BAZ2B: variants seen among roughly 807,000 people sequenced by gnomAD.
The protein encoded by BAZ2B is bromodomain adjacent to zinc finger domain 2B.
A neutral mutation model predicts 246.0 loss-of-function variants in BAZ2B; 91 were observed. The ratio of observed to expected loss-of-function variants is 0.37; its 90% CI spans 0.31 to 0.44. The LOEUF (loss-of-function observed/expected upper bound fraction) is 0.44, where lower values mean the gene tolerates loss of function less well. BAZ2B is among the 20% of genes least tolerant of loss of function. The pLI is 1.00. For missense variants in BAZ2B, 2,332 were observed against 2,533.7 expected, an observed-to-expected ratio of 0.92 and a Z score of 1.71; for synonymous variants, 855 against 860.0, an observed-to-expected ratio of 0.99 and a Z score of 0.10.
chr2:159,462,121 T>C (rs1376132589), intron 3 of BAZ2B: 4 of 303,824 alleles, frequency 1.3e-5, no homozygotes, highest in African/African-American at 2.2e-5. Flanking sequence ...AAAATGTCTC[T>C]AGGATAGATC....
the BAZ2B span, among the ~76,000 whole-genome samples, chr2:159,633,611 T>C: frequency 2.6e-5 from 4 of 152,296 alleles, no homozygotes; most frequent in South Asian, 8.3e-4. Context: ...TTTAGGGTCA[T>C]GGGGAAATGT....
At chr2:159,521,316 A>T (rs969655715) in intron 2 of BAZ2B, among the ~76,000 whole-genome samples, 1 of 152,130 alleles carries the variant, frequency 6.6e-6, no homozygotes, top group Admixed American at 6.5e-5. Flanking sequence ...TTTTGAACAA[A>T]TTTAACAACA....
the BAZ2B span, among the ~76,000 whole-genome samples, chr2:159,690,570 GATTT>G: frequency 4.6e-5 from 7 of 152,074 alleles, no homozygotes; most frequent in African/African-American, 1.4e-4. Context: ...ACTAGTTACT[GATTT>G]ATTATTTGAG....
chr2:159,447,806 C>T (rs547448175), intron 5 of BAZ2B, among the ~76,000 whole-genome samples: 5 of 152,114 alleles, frequency 3.3e-5, no homozygotes, highest in Non-Finnish European at 7.4e-5. Flanking sequence ...AAAGGTCTAG[C>T]ATAACACTAT....
intron 4 of BAZ2B, among the ~76,000 whole-genome samples, chr2:159,449,680 A>G (rs2074773439): frequency 6.6e-6 from 1 of 152,246 alleles, no homozygotes; most frequent in African/African-American, 2.4e-5. Flanking sequence ...ACACCAATGT[A>G]TATTCAGCCA....
rs142091603 is a variant in BAZ2B at position 159,566,078 on chromosome 2, C to G, written c.-45-10213G>C. ...CCAGGCTGGAGTGCAATGGCTCAAT[C>G]TGGGCTCACAGCAACCTCCGCCTCC... On this transcript the variant is annotated intron_variant, in intron 1 of 36. Coordinates refer to ENST00000392783, the MANE Select transcript of BAZ2B (RefSeq NM_013450.4). 2.4e-3 allele frequency among the ~76,000 whole-genome samples: 372 copies of G among 152,254 alleles called. 2 individuals carry two copies. Among genetic ancestry groups the G allele is most frequent in the African/African-American group, 8.6e-3 (356 of 41,552 alleles).
chr2:159,356,499 T>C (rs2059128869), intron 27 of BAZ2B, among the ~76,000 whole-genome samples: 1 of 152,128 alleles, frequency 6.6e-6, no homozygotes, highest in African/African-American at 2.4e-5. Context: ...GTCAGGGGCT[T>C]ATAGATCAAA....
Position 159,412,377 on chromosome 2 carries a change from C to G in BAZ2B, c.2635G>C (p.Asp879His). The G allele has an allele frequency of 6.2e-7, 1 of 1,614,132 alleles. No individual in the cohort carries two copies. The highest frequency in any genetic ancestry group is 8.5e-7 in the Non-Finnish European group (1 of 1,180,004). The change falls in exon 14 of 37, where the codon GAT becomes CAT. Residue 879 changes from aspartate (D) to histidine (H), a missense_variant. By Grantham distance (81) the Asp-to-His change is moderately conservative (BLOSUM62 -1). Transcript: ENST00000392783. ...PPNVGNAEFL[D>H]NADAKLLRKL... ...CTTAGCAACTTTGCATCTGCGTTAT[C>G]TAGGAATTCAGCATTGCCAACATTT...
chr2:159,690,167 A>C, the BAZ2B span: 54 of 474,816 alleles, frequency 1.1e-4, no homozygotes, highest in Non-Finnish European at 2.0e-4. Flanking sequence ...GGTTCCTTGG[A>C]TCCTGGTGAC....
chr2:159,614,309 C>G (rs1416122694), intron 1 of BAZ2B, among the ~76,000 whole-genome samples: 1 of 152,124 alleles, frequency 6.6e-6, no homozygotes, highest in Non-Finnish European at 1.5e-5. Flanking sequence ...GAGTTTATAG[C>G]TAGCGATTAT....
chr2:159,666,089 G>C, the BAZ2B span, among the ~76,000 whole-genome samples: 1 of 151,990 alleles, frequency 6.6e-6, no homozygotes, highest in African/African-American at 2.4e-5. Flanking sequence ...AGTTGTAAAA[G>C]TTCTGTTAAT....
At chr2:159,709,466 C>T in the BAZ2B span, among the ~76,000 whole-genome samples, 712 of 152,232 alleles carry the variant, frequency 4.7e-3, 11 homozygotes, top group African/African-American at 0.016. Flanking sequence ...AAATACTACC[C>T]ACACAGAAGT....
rs1464636902 is a variant in BAZ2B at position 159,504,318 on chromosome 2, G to A, written c.-2-25597C>T. On this transcript the variant is annotated intron_variant, in intron 2 of 36. Coordinates refer to ENST00000392783, the MANE Select transcript of BAZ2B (RefSeq NM_013450.4). ...CCAATGGCCTCTTAATTTTAATAAA[G>A]TGTTGAAACCTTAAAAATTTTTTTT... is the stretch of plus-strand genomic sequence containing the variant. Among the ~76,000 whole-genome samples, 3 of 152,018 alleles carry A rather than the reference G, an allele frequency of 2.0e-5. No homozygotes were observed. The East Asian group carries it at 5.8e-4, about 29-fold the overall frequency.
chr2:159,423,589 T>C (rs1273164467), intron 13 of BAZ2B, among the ~76,000 whole-genome samples: 1 of 152,170 alleles, frequency 6.6e-6, no homozygotes, highest in Non-Finnish European at 1.5e-5. Flanking sequence ...TGCAGCATTA[T>C]TCACAATAGC....
At chr2:159,565,756 A>G (rs1416910915) in intron 1 of BAZ2B, among the ~76,000 whole-genome samples, 2 of 145,302 alleles carry the variant, frequency 1.4e-5, no homozygotes, top group Non-Finnish European at 3.0e-5. Flanking sequence ...CAGCCTGGGC[A>G]ACAGAGTGAG....
chr2:159,344,050 A>AG (rs2067280743), intron 31 of BAZ2B, among the ~76,000 whole-genome samples: 1 of 148,484 alleles, frequency 6.7e-6, no homozygotes, highest in Non-Finnish European at 1.5e-5. Context: ...AAAAAAGAAA[A>AG]AAAAAAAAAT....
At chr2:159,686,259 A>G in the BAZ2B span, among the ~76,000 whole-genome samples, 1 of 152,158 alleles carries the variant, frequency 6.6e-6, no homozygotes, top group South Asian at 2.1e-4. Context: ...GAGCTACTTT[A>G]AAAAGAGAGA....
intron 25 of BAZ2B, among the ~76,000 whole-genome samples, chr2:159,376,331 T>C (rs1277431445): frequency 7.2e-5 from 11 of 152,070 alleles, no homozygotes; most frequent in Admixed American, 3.9e-4. Context: ...TATAAGCATT[T>C]ATAAAAAGCC....
At chr2:159,568,524 C>T (rs1041698850) in intron 1 of BAZ2B, among the ~76,000 whole-genome samples, 2 of 150,634 alleles carry the variant, frequency 1.3e-5, no homozygotes, top group African/African-American at 4.9e-5. Context: ...AGTTCTCATT[C>T]ATGAGAAAGG....
Sources: gnomAD v4.1 joint callset for allele counts (sites outside exome capture counted in the v4.1 genomes callset) on GRCh38, gnomAD v4.1.1 for gene constraint, MANE v1.5 for transcripts, NCBI Gene and HGNC (gene_info 2026-07-23, HGNC 2026-07-21) for gene names.